DLC1: variants seen among roughly 807,000 people sequenced by gnomAD.
The protein encoded by DLC1 is DLC1 Rho GTPase activating protein.
In DLC1, 54 loss-of-function variants were observed where a neutral mutation model predicts 140.3. The observed-to-expected ratio is 0.38, with a 90% CI of 0.31 to 0.48. The LOEUF (loss-of-function observed/expected upper bound fraction) is 0.48, where lower values mean the gene tolerates loss of function less well. DLC1 is among the 20% of genes least tolerant of loss of function. The pLI is 0.96. For missense variants in DLC1, 2,536 were observed against 1,907.0 expected, an observed-to-expected ratio of 1.33 and a Z score of -6.14; for synonymous variants, 986 against 728.1, an observed-to-expected ratio of 1.35 and a Z score of -5.70.
chr8:13,214,750 A>G (rs1563170490), intron 5 of DLC1: 1 of 780,962 alleles, frequency 1.3e-6, no homozygotes, highest in Non-Finnish European at 2.4e-6. Context: ...ATCTTCATCC[A>G]CTTCCAACTT....
At chr8:13,530,534 T>A (rs1027339800) in intron 1 of DLC1, among the ~76,000 whole-genome samples, 26 of 152,130 alleles carry the variant, frequency 1.7e-4, no homozygotes, top group Admixed American at 1.4e-3. Flanking sequence ...TCCAGATACA[T>A]GTGTAGTATA....
Position 13,179,778 on chromosome 8 carries a change from AAAGACACTTAACCAATAAAG to A in DLC1, c.1349-64141_1349-64122del, listed in dbSNP as rs549804199. Among the ~76,000 whole-genome samples, 26 of 152,266 alleles carry A rather than the reference AAAGACACTTAACCAATAAAG, an allele frequency of 1.7e-4. No individual in the cohort carries two copies. In the East Asian group the frequency reaches 5.0e-3, roughly 29 times the overall value. ...AGGAAGCTAATTACCAGAGGCAGAG[AAAGACACTTAACCAATAAAG>A]AAATAGATATTAAACTATATATTAT... On this transcript the variant is annotated intron_variant, in intron 5 of 17. Transcript: ENST00000276297.
intron 5 of DLC1, among the ~76,000 whole-genome samples, chr8:13,182,364 C>T (rs1040515460): frequency 2.6e-5 from 4 of 152,008 alleles, no homozygotes; most frequent in African/African-American, 9.7e-5. Context: ...GTTGCCTTTG[C>T]TTTTGGTATT....
chr8:13,101,826 C>T (rs541781190), intron 8 of DLC1, among the ~76,000 whole-genome samples: 60 of 152,300 alleles, frequency 3.9e-4, no homozygotes, highest in Non-Finnish European at 7.3e-4. Flanking sequence ...GATTTATGTA[C>T]AGGACTCAGG....
At chr8:13,147,934 CAG>C (rs557632259) in intron 5 of DLC1, among the ~76,000 whole-genome samples, 29 of 152,070 alleles carry the variant, frequency 1.9e-4, no homozygotes, top group African/African-American at 6.5e-4. Context: ...GTTGCAGTGG[CAG>C]AGATCGCACT....
intron 4 of DLC1, among the ~76,000 whole-genome samples, chr8:13,321,965 A>G (rs1833146008): frequency 6.6e-6 from 1 of 152,188 alleles, no homozygotes; most frequent in Non-Finnish European, 1.5e-5. Flanking sequence ...TTCCATTAAC[A>G]AATGCTGCAT....
chr8:13,464,766 TTATATA>T (rs1299837929), intron 2 of DLC1, among the ~76,000 whole-genome samples: 6 of 7,556 alleles, frequency 7.9e-4, no homozygotes, highest in African/African-American at 2.5e-3. Flanking sequence ...ATATATATAT[TTATATA>T]TATATATATA....
chr8:13,284,661 C>T (rs1400335776), intron 5 of DLC1, among the ~76,000 whole-genome samples: 1 of 148,732 alleles, frequency 6.7e-6, no homozygotes, highest in Non-Finnish European at 1.5e-5. Context: ...CTAGTCAGAT[C>T]AACTACAAGT....
At chr8:13,336,320 A>G (rs745376008) in intron 4 of DLC1, among the ~76,000 whole-genome samples, 7 of 152,220 alleles carry the variant, frequency 4.6e-5, no homozygotes, top group Admixed American at 1.3e-4. Flanking sequence ...AGGTAGAATT[A>G]CAGTGGTAGA....
At chr8:13,540,382 A>G (rs1175508570) in intron 1 of DLC1, among the ~76,000 whole-genome samples, 1 of 152,196 alleles carries the variant, frequency 6.6e-6, no homozygotes, top group Non-Finnish European at 1.5e-5. Flanking sequence ...TAAAATTTTA[A>G]TCCTTCTTAA....
intron 1 of DLC1, among the ~76,000 whole-genome samples, chr8:13,543,238 T>C (rs1803545517): frequency 6.6e-6 from 1 of 152,328 alleles, no homozygotes; most frequent in South Asian, 2.1e-4. Context: ...TCTTTTTTTG[T>C]ATTGTTAGCC....
At position 13,391,393 on chromosome 8, in the gene DLC1, C is replaced by G. The variant is rs201336945; in HGVS notation, c.1314+2160G>C. Among the ~76,000 whole-genome samples, 63 of 152,196 alleles carry G rather than the reference C, an allele frequency of 4.1e-4. No individual in the cohort carries two copies. The East Asian group carries it at 0.011, about 27-fold the overall frequency. On this transcript the variant is annotated intron_variant, in intron 4 of 17. Coordinates refer to ENST00000276297, the MANE Select transcript of DLC1 (RefSeq NM_182643.3). ...ATACTACTCGCATCCAATTTGCTTC[C>G]AAGTTAACATATTTTCAGAAAATAT... is the stretch of plus-strand genomic sequence containing the variant.
intron 1 of DLC1, among the ~76,000 whole-genome samples, chr8:13,570,337 C>T (rs1452649142): frequency 6.7e-6 from 1 of 149,628 alleles, no homozygotes; most frequent in African/African-American, 2.5e-5. Flanking sequence ...GGTACCTGTG[C>T]ACATTGTGCA....
rs78651191 is a variant in DLC1, at chr8:13,372,642, G to A, written c.1314+20911C>T. Among the ~76,000 whole-genome samples, 597 of 152,188 alleles carry A rather than the reference G, an allele frequency of 3.9e-3. 3 individuals are homozygous for A. The highest frequency in any genetic ancestry group is 7.1e-3 in the Non-Finnish European group (482 of 68,012). ...ACTGTCTGTCATATTCTAACTAAGC[G>A]CTAAACTATTTCCTCATCTTTGTGA... On this transcript the variant is annotated intron_variant, in intron 4 of 17. Transcript: ENST00000276297.
chr8:13,348,881 G>T lies in DLC1; in HGVS notation c.1315-43579C>A, dbSNP rs191468913. 3.3e-5 allele frequency among the ~76,000 whole-genome samples: 5 copies of T among 152,298 alleles called. No homozygotes were observed. In the East Asian group the frequency reaches 9.6e-4, roughly 29 times the overall value. ...ATTCTCAACCTTCTTGAGGAGGGCAGTGGGGATGGGAAGTCAGTAAGAGGG... is the reference window on the plus strand; with the variant it reads ...ATTCTCAACCTTCTTGAGGAGGGCATTGGGGATGGGAAGTCAGTAAGAGGG... On this transcript the variant is annotated intron_variant, in intron 4 of 17. Transcript: ENST00000276297.
chr8:13,291,156 G>T (rs968219108), intron 5 of DLC1, among the ~76,000 whole-genome samples: 4 of 152,140 alleles, frequency 2.6e-5, no homozygotes, highest in Non-Finnish European at 5.9e-5. Context: ...TGATCTGCCC[G>T]CCTCAGCCTC....
intron 4 of DLC1, among the ~76,000 whole-genome samples, chr8:13,326,499 A>T (rs1165859912): frequency 6.6e-6 from 1 of 152,200 alleles, no homozygotes; most frequent in South Asian, 2.1e-4. Flanking sequence ...AAAGCTGCCT[A>T]CTACTTTCCC....
intron 5 of DLC1, among the ~76,000 whole-genome samples, chr8:13,118,574 T>C (rs1004133348): frequency 3.3e-5 from 5 of 152,220 alleles, no homozygotes; most frequent in African/African-American, 7.2e-5. Context: ...ATTGGAAAAC[T>C]GTAAAAAGTT....
rs751886610 is a variant in DLC1 at position 13,354,618 on chromosome 8, C to G, written c.1314+38935G>C. Among the ~76,000 whole-genome samples the G allele has an allele frequency of 3.9e-4, 60 of 152,082 alleles. 1 individual carries two copies. In the Middle Eastern group the frequency reaches 0.024, roughly 60 times the overall value. On this transcript the variant is annotated intron_variant, in intron 4 of 17. Transcript: ENST00000276297. Reference sequence around the variant, plus strand: ...TTCGGAATGCCACTAATACTTAGCTCATTGGTAAAGTTCAGCTATGTGCAA... The same window carrying G: ...TTCGGAATGCCACTAATACTTAGCTGATTGGTAAAGTTCAGCTATGTGCAA...
Sources: gnomAD v4.1 joint callset for allele counts (sites outside exome capture counted in the v4.1 genomes callset) on GRCh38, gnomAD v4.1.1 for gene constraint, MANE v1.5 for transcripts, NCBI Gene and HGNC (gene_info 2026-07-23, HGNC 2026-07-21) for gene names.